Variants in AGPAT4 observed in about 807,000 individuals in gnomAD.
AGPAT4 encodes 1-acylglycerol-3-phosphate O-acyltransferase 4, also known as 1-acyl-sn-glycerol-3-phosphate acyltransferase delta.
AGPAT4 carries 15 observed loss-of-function variants against 48.0 expected under a neutral mutation model. The ratio of observed to expected loss-of-function variants is 0.31; its 90% CI spans 0.21 to 0.48. The LOEUF is 0.48. Among genes scored for constraint, AGPAT4 ranks in the 20% least tolerant of loss-of-function variants. The pLI is 0.99. For synonymous variants in AGPAT4, 178 were observed against 198.7 expected, an observed-to-expected ratio of 0.90 and a Z score of 0.88; for missense variants, 314 against 482.5, an observed-to-expected ratio of 0.65 and a Z score of 3.27.
chr6:161,152,215 G>A (rs1450650569), intron 5 of AGPAT4, among the ~76,000 whole-genome samples: 2 of 152,130 alleles, frequency 1.3e-5, no homozygotes, highest in Non-Finnish European at 2.9e-5. Context: ...ACCAGGAGAA[G>A]AGGGATGAGG....
chr6:161,150,943 G>A (rs1183174020), intron 5 of AGPAT4, among the ~76,000 whole-genome samples: 2 of 152,188 alleles, frequency 1.3e-5, no homozygotes, highest in East Asian at 1.9e-4. Flanking sequence ...AGGGACCCAT[G>A]CAGACAACAG....
Position 161,236,625 on chromosome 6 carries a change from C to T in AGPAT4, c.-89-4323G>A, listed in dbSNP as rs112049074. 0.014 allele frequency among the ~76,000 whole-genome samples: 2,146 copies of T among 151,954 alleles called. 26 individuals are homozygous for T. The highest frequency in any genetic ancestry group is 0.021 in the Non-Finnish European group (1,427 of 67,974). On this transcript the variant is annotated intron_variant, in intron 1 of 8. Transcript: ENST00000320285. This position sits in a 1 kb window ranked among gnomAD's most constrained non-coding sequence, Gnocchi z 5.0. ...AAAGCAGTAAAAGGAAAGGGGAGGCCGGGAGCAGTGGCTCACACCTGTAAT... is the reference window on the plus strand; with the variant it reads ...AAAGCAGTAAAAGGAAAGGGGAGGCTGGGAGCAGTGGCTCACACCTGTAAT...
rs1404325073 is a variant in AGPAT4 at position 161,178,036 on chromosome 6, CTGTA to C, written c.179-11623_179-11620del. ...AGCTTCGTCTCAGAGGGGCACCTGA[CTGTA>C]TGTGGTGTCAAATGGCCCCTACTGG... On this transcript the variant is annotated intron_variant, in intron 2 of 8. Transcript: ENST00000320285. This position sits in a 1 kb window ranked among gnomAD's most constrained non-coding sequence, Gnocchi z 5.1. 1.3e-5 allele frequency among the ~76,000 whole-genome samples: 2 copies of C among 152,204 alleles called. No individual in the cohort carries two copies. Among genetic ancestry groups the C allele is most frequent in the Non-Finnish European group, 2.9e-5 (2 of 68,042 alleles).
At position 161,168,458 on chromosome 6, in the gene AGPAT4, C is replaced by T. The variant is rs185537234; in HGVS notation, c.179-2041G>A. Among the ~76,000 whole-genome samples the T allele has an allele frequency of 1.7e-3, 260 of 152,212 alleles. 1 individual carries two copies. The highest frequency in any genetic ancestry group is 6.0e-3 in the African/African-American group (249 of 41,550). On this transcript the variant is annotated intron_variant, in intron 2 of 8. Transcript: ENST00000320285. Reference sequence around the variant, plus strand: ...CCCCCTACCCCACTCACATGTTCCCCAGTACCCTCCACAGCCCTATCACAG... The same window carrying T: ...CCCCCTACCCCACTCACATGTTCCCTAGTACCCTCCACAGCCCTATCACAG...
rs189268912 is a variant in AGPAT4, at chr6:161,272,388, T to C, written c.-90+1550A>G. Among the ~76,000 whole-genome samples the C allele has an allele frequency of 4.4e-3, 667 of 152,294 alleles. 6 individuals carry two copies. Among genetic ancestry groups the C allele is most frequent in the African/African-American group, 0.015 (637 of 41,560 alleles). On this transcript the variant is annotated intron_variant, in intron 1 of 8. Transcript: ENST00000320285. This position sits in a 1 kb window ranked among gnomAD's most constrained non-coding sequence, Gnocchi z 4.2. ...GAGTCATGAATGGGATTACTACTTA[T>C]CTATTTTATAAAAGCTAATTATTTG...
rs1189494583 is a variant in AGPAT4, at chr6:161,244,769, C to T, written c.-89-12467G>A. 6.6e-6 allele frequency among the ~76,000 whole-genome samples: 1 copy of T among 152,134 alleles called. No individual in the cohort carries two copies. The highest frequency in any genetic ancestry group is 1.9e-4 in the East Asian group (1 of 5,190). ...ACCTACTCTGCCTGGGTCAACTGAT[C>T]CAGTAAGAGTGATGCCTTCCACCAC... On this transcript the variant is annotated intron_variant, in intron 1 of 8. Coordinates refer to ENST00000320285, the MANE Select transcript of AGPAT4 (RefSeq NM_020133.3). The surrounding 1 kb of genome is among the most constrained non-coding windows in gnomAD (Gnocchi z 4.7).
At chr6:161,162,794 G>A (rs1024793553) in intron 3 of AGPAT4, among the ~76,000 whole-genome samples, 4 of 152,200 alleles carry the variant, frequency 2.6e-5, no homozygotes, top group Non-Finnish European at 5.9e-5. Context: ...AGGGCCTGGC[G>A]CTACCCAGAC....
In AGPAT4 at chr6:161,156,961, C is replaced by T. The variant is rs138469812; in HGVS notation, c.349-2651G>A. Among the ~76,000 whole-genome samples, 518 of 152,350 alleles carry T rather than the reference C, an allele frequency of 3.4e-3. 1 individual carries two copies. The highest frequency in any genetic ancestry group is 0.012 in the African/African-American group (490 of 41,572). On this transcript the variant is annotated intron_variant, in intron 3 of 8. Coordinates refer to ENST00000320285, the MANE Select transcript of AGPAT4 (RefSeq NM_020133.3). ...GGGATACTTTCAGTTAATTTAATAT[C>T]TATAGAAACAATGCTAATGACTGGC...
intron 2 of AGPAT4, among the ~76,000 whole-genome samples, chr6:161,228,720 C>G (rs1782049751): frequency 6.8e-6 from 1 of 146,106 alleles, no homozygotes; most frequent in African/African-American, 2.6e-5. Flanking sequence ...ATGGCATATC[C>G]TGCTTAGTGG....
rs1226876988 is a variant in AGPAT4 at position 161,134,525 on chromosome 6, T to C, written c.*2015A>G. ...TTTAGGATTCTTAAAGTGTGCTCTT[T>C]TACCCTTGACACACCCCAAGAGGTA... On this transcript the variant is annotated 3_prime_UTR_variant, in exon 9 of 9. Coordinates refer to ENST00000320285, the MANE Select transcript of AGPAT4 (RefSeq NM_020133.3). 2 of 152,174 alleles carry C rather than the reference T, an allele frequency of 1.3e-5. No homozygotes were observed. Among genetic ancestry groups the C allele is most frequent in the African/African-American group, 4.8e-5 (2 of 41,442 alleles). 9.4% of individuals were successfully genotyped at this position (152,174 alleles called of 1,614,324 possible). A position where few individuals can be genotyped will look rare whatever the true frequency, so the allele number is the denominator to read the frequency against.
Position 161,165,474 on chromosome 6 carries a change from C to A in AGPAT4, c.348+774G>T, listed in dbSNP as rs139711281. 1,859 of 685,792 alleles carry A rather than the reference C, an allele frequency of 2.7e-3. 25 individuals carry two copies. In the African/African-American group the frequency reaches 0.033, roughly 12 times the overall value. 42.5% of individuals were successfully genotyped at this position (685,792 alleles called of 1,614,324 possible). A position where few individuals can be genotyped will look rare whatever the true frequency, so the allele number is the denominator to read the frequency against. On this transcript the variant is annotated intron_variant, in intron 3 of 8. Coordinates refer to ENST00000320285, the MANE Select transcript of AGPAT4 (RefSeq NM_020133.3). The surrounding 1 kb of genome is among the most constrained non-coding windows in gnomAD (Gnocchi z 5.5). ...CGTATCTGTTCTACAGGGCATTGTT[C>A]CCAGGTGCAAAACCTGATCTCTAAG...
chr6:161,181,941 G>A (rs768162444), intron 2 of AGPAT4, among the ~76,000 whole-genome samples: 8 of 152,212 alleles, frequency 5.3e-5, no homozygotes, highest in African/African-American at 1.4e-4. Context: ...GCACAGATAC[G>A]TCCACAGCAC....
Position 161,189,046 on chromosome 6 carries a change from T to C in AGPAT4, c.179-22629A>G, listed in dbSNP as rs917459087. ...CGTGTTTCTTAGAATCTTAGTAATTTTGAAGTAATAAATCTGTGCCTATTT... is the reference window on the plus strand; with the variant it reads ...CGTGTTTCTTAGAATCTTAGTAATTCTGAAGTAATAAATCTGTGCCTATTT... On this transcript the variant is annotated intron_variant, in intron 2 of 8. Transcript: ENST00000320285. This position sits in a 1 kb window ranked among gnomAD's most constrained non-coding sequence, Gnocchi z 5.3. Among the ~76,000 whole-genome samples, 1 of 152,204 alleles carries C rather than the reference T, an allele frequency of 6.6e-6. No individual in the cohort carries two copies. The highest frequency in any genetic ancestry group is 2.4e-5 in the African/African-American group (1 of 41,446).
rs183404077 is a variant in AGPAT4, at chr6:161,185,013, C to A, written c.179-18596G>T. ...CTACGAGGCAGTGCTGGGCTTTTCA[C>A]AAATTAAGGAAAAAAGAGGTTGGGT... On this transcript the variant is annotated intron_variant, in intron 2 of 8. Transcript: ENST00000320285. 3.7e-3 allele frequency among the ~76,000 whole-genome samples: 565 copies of A among 151,734 alleles called. 4 individuals are homozygous for A. The highest frequency in any genetic ancestry group is 4.1e-3 in the Non-Finnish European group (276 of 67,926).
Position 161,249,235 on chromosome 6 carries a change from C to T in AGPAT4, c.-89-16933G>A, listed in dbSNP as rs113302899. On this transcript the variant is annotated intron_variant, in intron 1 of 8. Coordinates refer to ENST00000320285, the MANE Select transcript of AGPAT4 (RefSeq NM_020133.3). The surrounding 1 kb of genome is among the most constrained non-coding windows in gnomAD (Gnocchi z 6.2). ...ACCCTGGAAGATGACCTAAGCAATACCATTCTGGACATAGGAATGGGCAAA... is the reference window on the plus strand; with the variant it reads ...ACCCTGGAAGATGACCTAAGCAATATCATTCTGGACATAGGAATGGGCAAA... Among the ~76,000 whole-genome samples, 10,713 of 152,176 alleles carry T rather than the reference C, an allele frequency of 0.07. 438 individuals are homozygous for T. The highest frequency in any genetic ancestry group is 0.15 in the Middle Eastern group (43 of 292).
chr6:161,163,047 C>T (rs1779981177), intron 3 of AGPAT4, among the ~76,000 whole-genome samples: 2 of 152,268 alleles, frequency 1.3e-5, no homozygotes, highest in South Asian at 2.1e-4. Context: ...GAAGCACTGG[C>T]TCCCAGGAGA....
chr6:161,240,616 C>T lies in AGPAT4; in HGVS notation c.-89-8314G>A, dbSNP rs1582901871. Reference sequence around the variant, plus strand: ...GCAGATTGTTTCTGAACCAATATTTCGGTCTCCAGGACACAGAATCCCCAG... The same window carrying T: ...GCAGATTGTTTCTGAACCAATATTTTGGTCTCCAGGACACAGAATCCCCAG... On this transcript the variant is annotated intron_variant, in intron 1 of 8. Coordinates refer to ENST00000320285, the MANE Select transcript of AGPAT4 (RefSeq NM_020133.3). The surrounding 1 kb of genome is among the most constrained non-coding windows in gnomAD (Gnocchi z 5.5). Among the ~76,000 whole-genome samples the T allele has an allele frequency of 6.6e-6, 1 of 152,132 alleles. No individual in the cohort carries two copies. Among genetic ancestry groups the T allele is most frequent in the Non-Finnish European group, 1.5e-5 (1 of 68,020 alleles).
At chr6:161,209,511 T>C (rs1395443749) in intron 2 of AGPAT4, among the ~76,000 whole-genome samples, 3 of 152,184 alleles carry the variant, frequency 2.0e-5, no homozygotes, top group African/African-American at 7.2e-5. Context: ...TTCCACAGCC[T>C]TGGGCATAAT....
Position 161,158,606 on chromosome 6 carries a change from T to A in AGPAT4, c.349-4296A>T, listed in dbSNP as rs1364134524. Among the ~76,000 whole-genome samples, 1 of 152,168 alleles carries A rather than the reference T, an allele frequency of 6.6e-6. No individual in the cohort carries two copies. The highest frequency in any genetic ancestry group is 1.5e-5 in the Non-Finnish European group (1 of 68,036). On this transcript the variant is annotated intron_variant, in intron 3 of 8. Transcript: ENST00000320285. This position sits in a 1 kb window ranked among gnomAD's most constrained non-coding sequence, Gnocchi z 5.3. ...AGCCAGCCCCATGACCTGGTCTGCA[T>A]CTCTGGCAAGTGGGCCAGCCCTTGC...
Sources: gnomAD v4.1 joint callset for allele counts (sites outside exome capture counted in the v4.1 genomes callset) on GRCh38, gnomAD v4.1.1 for gene constraint, Gnocchi (gnomAD v3.1) non-coding constraint, MANE v1.5 for transcripts, NCBI Gene and HGNC (gene_info 2026-07-23, HGNC 2026-07-21) for gene names.